Variants in ZBBX observed in about 807,000 individuals in gnomAD.
ZBBX encodes zinc finger B-box domain-containing protein 1.
A neutral mutation model predicts 108.5 loss-of-function variants in ZBBX; 101 were observed. The observed-to-expected ratio is 0.93, with a 90% CI of 0.79 to 1.10. The LOEUF is 1.10. Among genes scored for constraint, ZBBX ranks in the 50% least tolerant of loss-of-function variants. The pLI is 0.00. For missense variants in ZBBX, 1,009 were observed against 941.4 expected (o/e 1.07, Z -0.94); for synonymous variants, 356 against 323.4 (o/e 1.10, Z -1.08).
intron 1 of ZBBX, among the ~76,000 whole-genome samples, chr3:167,387,450 T>C (rs1453852828): frequency 1.3e-5 from 2 of 152,068 alleles, no homozygotes; most frequent in Non-Finnish European, 1.5e-5. Context: ...TCAGTCACAA[T>C]GATGTTCAAT....
intron 16 of ZBBX, 64 bp from the exon 17 acceptor site, chr3:167,306,014 A>G: frequency 1.5e-6 from 2 of 1,302,716 alleles, no homozygotes; most frequent in South Asian, 4.0e-5. Context: ...TAAACTGTTA[A>G]TAAACCAAAA....
At chr3:167,266,366 C>T (rs1432571242) in intron 20 of ZBBX, among the ~76,000 whole-genome samples, 1 of 152,092 alleles carries the variant, frequency 6.6e-6, no homozygotes, top group African/African-American at 2.4e-5. Context: ...CTTCCTTACC[C>T]TTTGTTCTCC....
chr3:167,273,283 T>C (rs750603595), intron 20 of ZBBX, among the ~76,000 whole-genome samples: 1 of 152,182 alleles, frequency 6.6e-6, no homozygotes, highest in Non-Finnish European at 1.5e-5. Context: ...TCACATTAAA[T>C]AAAAGCAATT....
At chr3:167,302,439 A>G (rs577604423) in intron 17 of ZBBX, among the ~76,000 whole-genome samples, 9 of 151,864 alleles carry the variant, frequency 5.9e-5, no homozygotes, top group Admixed American at 1.3e-4. Context: ...ATAATGTTTT[A>G]TTACCTTAAA....
chr3:167,184,401 G>A, the ZBBX span, among the ~76,000 whole-genome samples: 7 of 152,050 alleles, frequency 4.6e-5, no homozygotes, highest in African/African-American at 1.4e-4. Context: ...GGCTGGTGTC[G>A]AACTCCTTCA....
intron 20 of ZBBX, among the ~76,000 whole-genome samples, chr3:167,256,181 A>G (rs1236324085): frequency 6.6e-6 from 1 of 152,166 alleles, no homozygotes; most frequent in African/African-American, 2.4e-5. Context: ...ATGTATATGT[A>G]CCACATTTTC....
At chr3:167,231,944 G>A in the ZBBX span, among the ~76,000 whole-genome samples, 1 of 151,694 alleles carries the variant, frequency 6.6e-6, no homozygotes, top group African/African-American at 2.4e-5. Flanking sequence ...AATCTAATCA[G>A]AAAGTGAATC....
At chr3:167,211,203 C>G in the ZBBX span, among the ~76,000 whole-genome samples, 17 of 152,166 alleles carry the variant, frequency 1.1e-4, no homozygotes, top group Non-Finnish European at 2.9e-5. Context: ...ATGAGTGCCT[C>G]CAGGAAACCA....
chr3:167,247,569 C>T (rs1057181340), intron 20 of ZBBX, among the ~76,000 whole-genome samples: 1 of 152,314 alleles, frequency 6.6e-6, no homozygotes, highest in South Asian at 2.1e-4. Context: ...CTGGTTAACA[C>T]AAGCCACCTA....
intron 12 of ZBBX, among the ~76,000 whole-genome samples, chr3:167,320,917 C>T (rs1312247067): frequency 2.6e-5 from 4 of 151,908 alleles, no homozygotes; most frequent in Non-Finnish European, 5.9e-5. Context: ...GACTGAAGAA[C>T]TGTAATGGAT....
At chr3:167,306,672 T>C (rs370609548) in intron 16 of ZBBX, among the ~76,000 whole-genome samples, 16 of 152,322 alleles carry the variant, frequency 1.1e-4, no homozygotes, top group Admixed American at 3.9e-4. Flanking sequence ...CCTTGCTAAG[T>C]TGTCCAGGTG....
At chr3:167,221,977 T>A in the ZBBX span, among the ~76,000 whole-genome samples, 1 of 151,944 alleles carries the variant, frequency 6.6e-6, no homozygotes. Context: ...GGATGTAAAT[T>A]AGTACAACCA....
At chr3:167,218,818 T>A in the ZBBX span, among the ~76,000 whole-genome samples, 1 of 152,002 alleles carries the variant, frequency 6.6e-6, no homozygotes, top group African/African-American at 2.4e-5. Context: ...AGCTCTCCAA[T>A]CAAAAGACAT....
intron 16 of ZBBX, among the ~76,000 whole-genome samples, chr3:167,307,052 A>G (rs986619779): frequency 6.6e-6 from 1 of 152,226 alleles, no homozygotes; most frequent in African/African-American, 2.4e-5. Flanking sequence ...ACACAGGTGC[A>G]GAAAAGGCTT....
intron 18 of ZBBX, among the ~76,000 whole-genome samples, chr3:167,295,049 C>T (rs1166927915): frequency 1.3e-5 from 2 of 152,120 alleles, no homozygotes; most frequent in East Asian, 1.9e-4. Context: ...ACAACAGATG[C>T]TGGAGAGGAT....
chr3:167,403,097 C>T (rs1349396631), intron 1 of ZBBX, among the ~76,000 whole-genome samples: 4 of 152,140 alleles, frequency 2.6e-5, no homozygotes, highest in Admixed American at 6.5e-5. Context: ...CCAGGAAGGT[C>T]GCTGAATCTC....
At chr3:167,344,474 G>C (rs577710676) in intron 9 of ZBBX, among the ~76,000 whole-genome samples, 19 of 151,774 alleles carry the variant, frequency 1.3e-4, no homozygotes, top group African/African-American at 4.3e-4. Flanking sequence ...TTCAAATTCT[G>C]ACTCATCAAG....
intron 16 of ZBBX, among the ~76,000 whole-genome samples, chr3:167,309,962 C>T (rs1158876415): frequency 1.3e-5 from 2 of 152,172 alleles, no homozygotes; most frequent in African/African-American, 2.4e-5. Context: ...CAGTTTCATA[C>T]CATTTCTTTG....
At chr3:167,239,292 A>G (rs1477300063), downstream of ZBBX, among the ~76,000 whole-genome samples, 2 of 152,062 alleles carry the variant, frequency 1.3e-5, no homozygotes, top group African/African-American at 4.8e-5. Flanking sequence ...ACTTATTTAA[A>G]TGTTAATCTA....
Sources: allele counts gnomAD v4.1 joint callset (sites outside exome capture counted in the v4.1 genomes callset), GRCh38; gene constraint gnomAD v4.1.1; transcripts MANE v1.5; gene names NCBI Gene and HGNC (gene_info 2026-07-23, HGNC 2026-07-21).